GHR: variants seen among roughly 807,000 people sequenced by gnomAD.
GHR encodes GH receptor.
GHR carries 35 observed loss-of-function variants against 67.1 expected under a neutral mutation model. That is an observed-to-expected ratio of 0.52 (90% confidence interval 0.40 to 0.69). GHR has a LOEUF of 0.69. Among genes scored for constraint, GHR ranks in the 30% least tolerant of loss-of-function variants. The pLI, the probability that GHR is intolerant of heterozygous loss-of-function variation, is 0.00. For missense variants in GHR, 792 were observed against 764.6 expected (o/e 1.04, Z -0.42); for synonymous variants, 272 against 269.1 (o/e 1.01, Z -0.10).
At chr5:42,539,650 A>G (rs1707887523) in intron 1 of GHR, among the ~76,000 whole-genome samples, 1 of 152,056 alleles carries the variant, frequency 6.6e-6, no homozygotes, top group Non-Finnish European at 1.5e-5. Context: ...GTCTAGATCT[A>G]TTTTTTGACA....
At chr5:42,576,103 TAA>T (rs1750693088) in intron 2 of GHR, among the ~76,000 whole-genome samples, 2 of 52,574 alleles carry the variant, frequency 3.8e-5, no homozygotes, top group African/African-American at 2.1e-4. Context: ...ATAAAATAAA[TAA>T]AATAAAATAA....
intron 1 of GHR, among the ~76,000 whole-genome samples, chr5:42,426,223 G>A (rs1038033502): frequency 1.3e-5 from 2 of 152,208 alleles, no homozygotes; most frequent in Non-Finnish European, 2.9e-5. Context: ...TGGAGCCACA[G>A]TTGCAGCGTG....
At chr5:42,446,369 G>T (rs929105362) in intron 1 of GHR, among the ~76,000 whole-genome samples, 2 of 152,184 alleles carry the variant, frequency 1.3e-5, no homozygotes, top group African/African-American at 4.8e-5. Context: ...CATAACCGTG[G>T]GGATATACCA....
chr5:42,541,006 TG>T (rs1748492782), intron 1 of GHR, among the ~76,000 whole-genome samples: 1 of 152,094 alleles, frequency 6.6e-6, no homozygotes, highest in Admixed American at 6.6e-5. Flanking sequence ...TGTTCCATAT[TG>T]TTTTTTTACA....
chr5:42,623,143 T>C (rs4292454), intron 2 of GHR, among the ~76,000 whole-genome samples: 72,148 of 152,020 alleles, frequency 0.47, 19,139 homozygotes, highest in African/African-American at 0.69. Context: ...ATATTGTAAA[T>C]GAAATGATTT....
chr5:42,528,426 G>A (rs1747806192), intron 1 of GHR, among the ~76,000 whole-genome samples: 1 of 152,188 alleles, frequency 6.6e-6, no homozygotes, highest in Non-Finnish European at 1.5e-5. Flanking sequence ...AGTGGAAATA[G>A]CAAGAAAACT....
chr5:42,435,346 T>C (rs1743277957), intron 1 of GHR, among the ~76,000 whole-genome samples: 1 of 152,180 alleles, frequency 6.6e-6, no homozygotes, highest in Non-Finnish European at 1.5e-5. Flanking sequence ...TATATCTAGA[T>C]GATTATTAGC....
At chr5:42,520,891 T>A (rs1396830380) in intron 1 of GHR, among the ~76,000 whole-genome samples, 1 of 152,190 alleles carries the variant, frequency 6.6e-6, no homozygotes, top group African/African-American at 2.4e-5. Context: ...TGAAGTTACA[T>A]ATGTGTCACC....
chr5:42,471,982 C>A (rs1202672268), intron 1 of GHR, among the ~76,000 whole-genome samples: 1 of 152,136 alleles, frequency 6.6e-6, no homozygotes, highest in Non-Finnish European at 1.5e-5. Context: ...GCTTAGTCAG[C>A]AAGTAACTAA....
chr5:42,448,579 T>TTATTAC (rs2111988310), intron 1 of GHR, among the ~76,000 whole-genome samples: 1 of 39,706 alleles, frequency 2.5e-5, no homozygotes, highest in South Asian at 5.1e-4. Flanking sequence ...TTTACTATTA[T>TTATTAC]TATTATTATT....
intron 3 of GHR, among the ~76,000 whole-genome samples, chr5:42,687,402 G>A (rs1180401255): frequency 6.6e-6 from 1 of 152,128 alleles, no homozygotes; most frequent in South Asian, 2.1e-4. Flanking sequence ...AAGGCATCAC[G>A]CTACCTGACC....
At chr5:42,473,303 T>C (rs1745090192) in intron 1 of GHR, among the ~76,000 whole-genome samples, 1 of 152,218 alleles carries the variant, frequency 6.6e-6, no homozygotes, top group African/African-American at 2.4e-5. Flanking sequence ...CGATCTCGGG[T>C]CCCTGCAACC....
chr5:42,428,036 C>A (rs1483310682), intron 1 of GHR, among the ~76,000 whole-genome samples: 1 of 152,206 alleles, frequency 6.6e-6, no homozygotes, highest in Non-Finnish European at 1.5e-5. Flanking sequence ...TAGGCAGTGA[C>A]CCACTGGGGA....
chr5:42,579,919 A>T (rs10941580), intron 2 of GHR, among the ~76,000 whole-genome samples: 59,412 of 150,168 alleles, frequency 0.4, 13,355 homozygotes, highest in African/African-American at 0.6. Flanking sequence ...TTTTTTTTTT[A>T]AAATCATTAC....
chr5:42,517,283 C>A (rs932437322), intron 1 of GHR, among the ~76,000 whole-genome samples: 2 of 152,052 alleles, frequency 1.3e-5, no homozygotes, highest in Non-Finnish European at 2.9e-5. Flanking sequence ...CTTTTTAAAA[C>A]CTGAACTGAG....
intron 1 of GHR, chr5:42,514,369 C>G: frequency 2.1e-6 from 2 of 966,316 alleles, no homozygotes; most frequent in Non-Finnish European, 2.5e-6. Flanking sequence ...AACCAGGTCT[C>G]TCTTCTGTCC....
intron 1 of GHR, among the ~76,000 whole-genome samples, chr5:42,529,551 G>A (rs1485871466): frequency 1.3e-5 from 2 of 152,076 alleles, no homozygotes; most frequent in African/African-American, 2.4e-5. Flanking sequence ...CTACAACTAC[G>A]CAGATGTCTG....
At chr5:42,524,359 C>T (rs1435791854) in intron 1 of GHR, among the ~76,000 whole-genome samples, 1 of 152,148 alleles carries the variant, frequency 6.6e-6, no homozygotes, top group Non-Finnish European at 1.5e-5. Flanking sequence ...AGCAAAAAGA[C>T]TGGCAGCATT....
At chr5:42,556,917 A>G (rs1055962974) in intron 1 of GHR, among the ~76,000 whole-genome samples, 2 of 152,184 alleles carry the variant, frequency 1.3e-5, no homozygotes, top group Non-Finnish European at 1.5e-5. Context: ...TCACTCCTCC[A>G]TAAAGGAAGA....
Sources: allele counts gnomAD v4.1 joint callset (sites outside exome capture counted in the v4.1 genomes callset), GRCh38; gene constraint gnomAD v4.1.1; transcripts MANE v1.5; gene names NCBI Gene and HGNC (gene_info 2026-07-23, HGNC 2026-07-21).